PKIB: variants seen among roughly 807,000 people sequenced by gnomAD.
The protein encoded by PKIB is cAMP-dependent protein kinase inhibitor beta.
In PKIB, 2 loss-of-function variants were observed where a neutral mutation model predicts 4.5. That is an observed-to-expected ratio of 0.44 (90% CI 0.18 to 1.39). PKIB has a LOEUF of 1.39. Among genes scored for constraint, PKIB ranks in the 40% most tolerant of loss-of-function variants. PKIB has a pLI of 0.27. For synonymous variants in PKIB, 38 were observed against 36.0 expected (o/e 1.06, Z -0.20); for missense variants, 94 against 92.6 (o/e 1.02, Z -0.06).
chr6:122,564,947 A>G (rs1773141763), intron 2 of PKIB, among the ~76,000 whole-genome samples: 1 of 152,154 alleles, frequency 6.6e-6, no homozygotes, highest in Non-Finnish European at 1.5e-5. Flanking sequence ...AGTTAATGAT[A>G]TAGACTAGTT....
chr6:122,661,287 T>C (rs1776977664), intron 2 of PKIB, among the ~76,000 whole-genome samples: 1 of 152,156 alleles, frequency 6.6e-6, no homozygotes. Flanking sequence ...GTCACCACAA[T>C]CCATTTTAGG....
intron 2 of PKIB, among the ~76,000 whole-genome samples, chr6:122,674,015 A>G (rs576543013): frequency 4.5e-4 from 68 of 152,282 alleles, no homozygotes; most frequent in African/African-American, 1.6e-3. Context: ...ATGGAGGGCA[A>G]AGAAACTCAG....
At chr6:122,691,740 T>A (rs1187637244) in intron 3 of PKIB, among the ~76,000 whole-genome samples, 1 of 152,142 alleles carries the variant, frequency 6.6e-6, no homozygotes, top group Non-Finnish European at 1.5e-5. Context: ...CCTGAATGTT[T>A]TTGATGCTTG....
At chr6:122,487,389 G>A (rs113383986) in intron 2 of PKIB, among the ~76,000 whole-genome samples, 6 of 152,206 alleles carry the variant, frequency 3.9e-5, no homozygotes, top group African/African-American at 1.2e-4. Flanking sequence ...GTTATGTTCT[G>A]AATATTCATG....
intron 3 of PKIB, among the ~76,000 whole-genome samples, chr6:122,694,727 C>T (rs997014029): frequency 6.6e-5 from 10 of 152,244 alleles, no homozygotes; most frequent in Admixed American, 2.6e-4. Context: ...TAAAAAAATT[C>T]GAAGGAGGTC....
intron 2 of PKIB, among the ~76,000 whole-genome samples, chr6:122,502,873 C>G (rs1776283726): frequency 6.6e-6 from 1 of 152,056 alleles, no homozygotes; most frequent in Non-Finnish European, 1.5e-5. Flanking sequence ...AAGAGTCAGT[C>G]AAGAGTAGTG....
chr6:122,681,317 A>T (rs1777887308), intron 3 of PKIB, among the ~76,000 whole-genome samples: 2 of 152,232 alleles, frequency 1.3e-5, no homozygotes, highest in South Asian at 4.1e-4. Context: ...TTTCAAATGA[A>T]TTAATACATT....
chr6:122,692,562 T>C (rs1055126196), intron 3 of PKIB, among the ~76,000 whole-genome samples: 9 of 152,014 alleles, frequency 5.9e-5, no homozygotes, highest in Admixed American at 3.3e-4. Context: ...GCTTCCAGGC[T>C]TGCGACTCAC....
chr6:122,576,836 T>G (rs1314345072), intron 2 of PKIB, among the ~76,000 whole-genome samples: 1 of 151,508 alleles, frequency 6.6e-6, no homozygotes, highest in Admixed American at 6.6e-5. Context: ...GTTTTTAAAT[T>G]AAGTATAACT....
chr6:122,479,814 C>T (rs1279416556), intron 2 of PKIB: 1 of 152,112 alleles, frequency 6.6e-6, no homozygotes, highest in East Asian at 1.9e-4. Flanking sequence ...TTGACACATT[C>T]TCTCAAAGCA....
chr6:122,599,474 G>A (rs1310560203), intron 3 of PKIB, among the ~76,000 whole-genome samples: 1 of 152,092 alleles, frequency 6.6e-6, no homozygotes, highest in Non-Finnish European at 1.5e-5. Context: ...GCTTATATCT[G>A]TTTTTCCACA....
intron 3 of PKIB, among the ~76,000 whole-genome samples, chr6:122,713,596 G>C (rs898626378): frequency 1.3e-5 from 2 of 152,118 alleles, no homozygotes; most frequent in African/African-American, 4.8e-5. Context: ...ATGAGAGATG[G>C]CTACTGGGGG....
chr6:122,578,404 G>A (rs998794427), intron 2 of PKIB, among the ~76,000 whole-genome samples: 2 of 151,754 alleles, frequency 1.3e-5, no homozygotes, highest in African/African-American at 2.4e-5. Context: ...TGAATTCTAC[G>A]TGTTCAAAAT....
At chr6:122,577,255 G>A (rs1158772182) in intron 2 of PKIB, among the ~76,000 whole-genome samples, 2 of 152,106 alleles carry the variant, frequency 1.3e-5, no homozygotes, top group Non-Finnish European at 2.9e-5. Flanking sequence ...ATTAAAACCT[G>A]ACCTACATTA....
chr6:122,704,586 G>A (rs936765849), intron 3 of PKIB, among the ~76,000 whole-genome samples: 73 of 152,138 alleles, frequency 4.8e-4, no homozygotes, highest in Non-Finnish European at 8.8e-4. Context: ...ATTGGAACAT[G>A]AAAAAAATAA....
intron 2 of PKIB, among the ~76,000 whole-genome samples, chr6:122,501,416 C>A (rs1361451395): frequency 6.6e-6 from 1 of 152,190 alleles, no homozygotes; most frequent in African/African-American, 2.4e-5. Flanking sequence ...ACCTGGACAT[C>A]CAAGTGTTTC....
At chr6:122,625,619 C>T (rs867088793) in intron 1 of PKIB, among the ~76,000 whole-genome samples, 131 of 151,826 alleles carry the variant, frequency 8.6e-4, no homozygotes, top group African/African-American at 2.9e-3. Flanking sequence ...GCCTGGGCAA[C>T]GGAAAGACTC....
intron 2 of PKIB, among the ~76,000 whole-genome samples, chr6:122,494,263 C>G (rs114223760): frequency 0.012 from 1,823 of 152,226 alleles, 43 homozygotes; most frequent in African/African-American, 0.042. Context: ...AATCTGCTTG[C>G]TAGTTTGGAA....
At chr6:122,632,564 C>CT (rs1040356172) in intron 1 of PKIB, among the ~76,000 whole-genome samples, 3 of 152,104 alleles carry the variant, frequency 2.0e-5, no homozygotes, top group East Asian at 1.9e-4. Context: ...TAAATGGGGA[C>CT]TTTTTTACAT....
Sources: gnomAD v4.1 joint callset for allele counts (sites outside exome capture counted in the v4.1 genomes callset) on GRCh38, gnomAD v4.1.1 for gene constraint, MANE v1.5 for transcripts, NCBI Gene and HGNC (gene_info 2026-07-23, HGNC 2026-07-21) for gene names.